The following GATA3 variants were observed in gnomAD, a reference collection of about 807,000 sequenced individuals.
GATA3 encodes GATA binding protein 3, also known as trans-acting T-cell-specific transcription factor GATA-3.
A neutral mutation model predicts 36.0 loss-of-function variants in GATA3; 6 were observed. That is an observed-to-expected ratio of 0.17 (90% CI 0.09 to 0.33). The LOEUF (loss-of-function observed/expected upper bound fraction) is 0.33, where lower values mean the gene tolerates loss of function less well. Among genes scored for constraint, GATA3 ranks in the 10% least tolerant of loss-of-function variants. The pLI, the probability that GATA3 is intolerant of heterozygous loss-of-function variation, is 1.00. For missense variants in GATA3, 514 were observed against 610.1 expected, an observed-to-expected ratio of 0.84 and a Z score of 1.66; for synonymous variants, 326 against 273.0, an observed-to-expected ratio of 1.19 and a Z score of -1.92.
intron 4 of GATA3, 83 bp from the exon 5 acceptor site, chr10:8,069,390 T>G (rs1832895171): frequency 1.2e-5 from 16 of 1,359,484 alleles, no homozygotes; most frequent in Non-Finnish European, 1.6e-5. Context: ...TCCTTTTTTT[T>G]TTTTTCAAGC....
chr10:8,073,322 G>A (rs1260403442), intron 5 of GATA3, among the ~76,000 whole-genome samples: 1 of 152,030 alleles, frequency 6.6e-6, no homozygotes, highest in Non-Finnish European at 1.5e-5. Flanking sequence ...TTTCTTCAAG[G>A]CAGACAGCCT....
intron 3 of GATA3, among the ~76,000 whole-genome samples, chr10:8,063,760 T>C (rs2131499801): frequency 6.6e-6 from 1 of 152,308 alleles, no homozygotes; most frequent in African/African-American, 2.4e-5. Flanking sequence ...ACGATGCATC[T>C]GCCCCTTCTG....
At chr10:8,065,700 GTTT>G (rs748515966) in intron 4 of GATA3, among the ~76,000 whole-genome samples, 2,111 of 62,184 alleles carry the variant, frequency 0.034, 16 homozygotes, top group Middle Eastern at 0.069. Context: ...CAGCAGTTTG[GTTT>G]TTTTTTTTTT....
chr10:8,045,677 T>C (rs1832378537), intron 1 of GATA3, among the ~76,000 whole-genome samples: 1 of 152,176 alleles, frequency 6.6e-6, no homozygotes, highest in African/African-American at 2.4e-5. Flanking sequence ...ACTGGAAATC[T>C]CTGGGTTTCT....
Position 8,069,583 on chromosome 10 carries a change from C to T in GATA3, c.1035C>T (p.Tyr345=), listed in dbSNP as rs1832899268. 6.2e-7 allele frequency: 1 copy of T among 1,614,038 alleles called. No individual in the cohort carries two copies. Among genetic ancestry groups the T allele is most frequent in the Non-Finnish European group, 8.5e-7 (1 of 1,180,024 alleles). The change falls in exon 5 of 6, where the codon TAC becomes TAT. Residue 345 remains tyrosine (Y), a synonymous_variant. Coordinates refer to ENST00000379328, the MANE Select transcript of GATA3 (RefSeq NM_001002295.2). The stretch of plus-strand genomic sequence containing the variant: ...CTGTCTGCAATGCCTGTGGGCTCTA[C>T]TACAAGCTTCACAATGTAAGTGGAC... The part of the protein sequence containing the change: ...GDPVCNACGL[Y]YKLHNINRPL...
At chr10:8,051,539 G>A, upstream of GATA3, 1 of 156,338 alleles carries the variant, frequency 6.4e-6, no homozygotes, top group Non-Finnish European at 1.4e-5. Flanking sequence ...CCTCCTGGTC[G>A]CCTCCTCGCT....
At chr10:8,065,326 C>T (rs1307470702) in intron 4 of GATA3, among the ~76,000 whole-genome samples, 8 of 138,934 alleles carry the variant, frequency 5.8e-5, no homozygotes, top group South Asian at 2.3e-4. Flanking sequence ...GGCACGATCT[C>T]GGCTCACTGC....
At chr10:8,063,382 G>T (rs1281031683) in intron 3 of GATA3, among the ~76,000 whole-genome samples, 71 of 152,190 alleles carry the variant, frequency 4.7e-4, no homozygotes, top group Non-Finnish European at 5.9e-5. Context: ...TTTCCAGCCA[G>T]GGACATTTGC....
chr10:8,069,389 T>G, intron 4 of GATA3, 84 bp from the exon 5 acceptor site: 2 of 1,341,376 alleles, frequency 1.5e-6, no homozygotes. Context: ...TTCCTTTTTT[T>G]TTTTTTCAAG....
intron 3 of GATA3, among the ~76,000 whole-genome samples, chr10:8,059,226 C>T (rs139724729): frequency 6.6e-6 from 1 of 152,306 alleles, no homozygotes; most frequent in African/African-American, 2.4e-5. Context: ...TAAAACGAAA[C>T]CTCCTCAAGC....
At chr10:8,051,077 C>T (rs1318372825), upstream of GATA3, 3 of 530,100 alleles carry the variant, frequency 5.7e-6, no homozygotes, top group Admixed American at 2.0e-5. Context: ...CTCCGCTCTG[C>T]GCCATGGCCT....
chr10:8,066,483 T>C (rs1832845635), intron 4 of GATA3, among the ~76,000 whole-genome samples: 1 of 151,918 alleles, frequency 6.6e-6, no homozygotes, highest in South Asian at 2.1e-4. Flanking sequence ...TGTATTTGAC[T>C]TCTGAACACC....
At chr10:8,049,496 G>A (rs956580663), upstream of GATA3, among the ~76,000 whole-genome samples, 7 of 152,230 alleles carry the variant, frequency 4.6e-5, no homozygotes, top group African/African-American at 1.7e-4. Flanking sequence ...GGCCCGAGTG[G>A]CAGAGACAGA....
chr10:8,065,188 T>A (rs976604473), intron 4 of GATA3, among the ~76,000 whole-genome samples: 1 of 149,734 alleles, frequency 6.7e-6, no homozygotes, highest in African/African-American at 2.5e-5. Context: ...TACTTTGCCC[T>A]CCCCATCAGA....
At position 8,074,050 on chromosome 10, in the gene GATA3, C is replaced by G. The variant is rs1832976297; in HGVS notation, c.*27C>G. On this transcript the variant is annotated 3_prime_UTR_variant, in exon 6 of 6. Coordinates refer to ENST00000379328, the MANE Select transcript of GATA3 (RefSeq NM_001002295.2). ...GCCCTGCTCGATGCTCACAGGGCCC[C>G]CAGCGAGAGTCCCTGCAGTCCCTTT... is the stretch of plus-strand genomic sequence containing the variant. 1.9e-6 allele frequency: 3 copies of G among 1,612,658 alleles called. No individual in the cohort carries two copies. In the Middle Eastern group the frequency reaches 4.9e-4, roughly 266 times the overall value.
chr10:8,067,029 G>A (rs184951665), intron 4 of GATA3, among the ~76,000 whole-genome samples: 45 of 143,298 alleles, frequency 3.1e-4, no homozygotes, highest in Admixed American at 1.0e-3. Flanking sequence ...TATCTGAGTA[G>A]CTCTTCTAAA....
intron 4 of GATA3, among the ~76,000 whole-genome samples, chr10:8,066,127 A>C (rs573871537): frequency 5.3e-5 from 8 of 151,994 alleles, no homozygotes; most frequent in African/African-American, 1.9e-4. Context: ...TAAAAGTCTC[A>C]AGGCATGGGC....
intron 3 of GATA3, among the ~76,000 whole-genome samples, chr10:8,061,069 C>T (rs1041117885): frequency 2.1e-5 from 3 of 142,478 alleles, no homozygotes; most frequent in Non-Finnish European, 4.6e-5. Flanking sequence ...AGTGGTTGCT[C>T]TCTCTCTCTC....
At chr10:8,051,286 G>T (rs1327069032), upstream of GATA3, 3 of 299,386 alleles carry the variant, frequency 1.0e-5, no homozygotes, top group East Asian at 3.8e-4. Flanking sequence ...CGCTCAACTT[G>T]ACGCCTAAAG....
Sources: allele counts gnomAD v4.1 joint callset (sites outside exome capture counted in the v4.1 genomes callset), GRCh38; gene constraint gnomAD v4.1.1; transcripts MANE v1.5; gene names NCBI Gene and HGNC (gene_info 2026-07-23, HGNC 2026-07-21).